Variants in LRBA observed in about 807,000 individuals in gnomAD.
LRBA encodes lipopolysaccharide-responsive and beige-like anchor protein.
Under a neutral mutation model 330.0 loss-of-function variants are expected in LRBA, and 176 were observed. The ratio of observed to expected loss-of-function variants is 0.53; its 90% CI spans 0.47 to 0.60. The LOEUF (loss-of-function observed/expected upper bound fraction) is 0.60. Among genes scored for constraint, LRBA ranks in the 20% least tolerant of loss-of-function variants. The probability of loss-of-function intolerance (pLI) is 0.00; values close to 1 mark genes in which losing one functional copy is unlikely to be tolerated. For missense variants in LRBA, 3,259 were observed against 3,444.8 expected, an observed-to-expected ratio of 0.95 and a Z score of 1.35; for synonymous variants, 1,230 against 1,193.0, an observed-to-expected ratio of 1.03 and a Z score of -0.64.
intron 22 of LRBA, among the ~76,000 whole-genome samples, chr4:150,861,308 TG>T (rs1751914926): frequency 6.6e-6 from 1 of 151,182 alleles, no homozygotes. Context: ...TGTGTGTGTG[TG>T]TAGATTGAGA....
At chr4:150,759,459 G>A (rs1439053366) in intron 35 of LRBA, among the ~76,000 whole-genome samples, 1 of 152,128 alleles carries the variant, frequency 6.6e-6, no homozygotes, top group Non-Finnish European at 1.5e-5. Flanking sequence ...CCTAGGCCTG[G>A]AATGCTTTTC....
intron 44 of LRBA, among the ~76,000 whole-genome samples, chr4:150,455,229 GTT>G (rs967023221): frequency 6.6e-6 from 1 of 150,948 alleles, no homozygotes; most frequent in East Asian, 2.0e-4. Flanking sequence ...GTGGTGTTTG[GTT>G]TTTTGTTCTT....
At chr4:150,450,343 A>G (rs867867346) in intron 44 of LRBA, among the ~76,000 whole-genome samples, 1 of 152,198 alleles carries the variant, frequency 6.6e-6, no homozygotes, top group Admixed American at 6.5e-5. Context: ...AGAGTTCTTG[A>G]GGCTAGAAAT....
chr4:150,271,226 T>A (rs1337635306), intron 56 of LRBA, among the ~76,000 whole-genome samples: 2 of 151,842 alleles, frequency 1.3e-5, no homozygotes, highest in Non-Finnish European at 2.9e-5. Flanking sequence ...ACCAGGAGAT[T>A]CCCTTGGGTG....
intron 46 of LRBA, chr4:150,423,452 G>T: frequency 1.7e-6 from 1 of 590,670 alleles, no homozygotes. Flanking sequence ...TGTTGCCAGC[G>T]GGCCCCATTT....
Position 150,491,030 on chromosome 4 carries a change from C to T in LRBA, c.6336G>A (p.Leu2112=). Residue 2112 remains leucine (L), a synonymous_variant, in exon 41 of 57, where the codon TTG becomes TTA. Coordinates refer to ENST00000651943, the MANE Select transcript of LRBA (RefSeq NM_001364905.1). The part of the protein sequence containing the change: ...PNFKKIDPKI[L]AYTEGLHGKW... ...TTCCATGCAGCCCTTCTGTATATGCCAAGATCTAATGAGGAAAAAAATAAT... is the reference window on the plus strand; with the variant it reads ...TTCCATGCAGCCCTTCTGTATATGCTAAGATCTAATGAGGAAAAAAATAAT... 1 of 1,543,428 alleles carries T rather than the reference C, an allele frequency of 6.5e-7. No homozygotes were observed. The highest frequency in any genetic ancestry group is 8.9e-7 in the Non-Finnish European group (1 of 1,125,418).
intron 40 of LRBA, among the ~76,000 whole-genome samples, chr4:150,559,629 AAT>A (rs1214510252): frequency 3.6e-3 from 293 of 81,434 alleles, no homozygotes; most frequent in African/African-American, 0.013. Context: ...ATTATTTTAT[AAT>A]ATATATTTAT....
At chr4:150,824,869 G>A (rs900218917) in intron 30 of LRBA, among the ~76,000 whole-genome samples, 1 of 151,982 alleles carries the variant, frequency 6.6e-6, no homozygotes, top group African/African-American at 2.4e-5. Flanking sequence ...CAAACTCCTG[G>A]GCTCCAGTGA....
chr4:150,833,586 T>C (rs991757995), intron 28 of LRBA, among the ~76,000 whole-genome samples: 4 of 152,176 alleles, frequency 2.6e-5, no homozygotes, highest in African/African-American at 9.7e-5. Flanking sequence ...AACAGCATTG[T>C]ATCTAAAAAA....
chr4:150,469,142 G>A (rs1755799842), intron 43 of LRBA, among the ~76,000 whole-genome samples: 2 of 151,818 alleles, frequency 1.3e-5, no homozygotes, highest in Non-Finnish European at 2.9e-5. Flanking sequence ...ATTTTTTATT[G>A]TACCTAAAAA....
At chr4:150,631,771 G>A (rs943830612) in intron 37 of LRBA, among the ~76,000 whole-genome samples, 3 of 152,144 alleles carry the variant, frequency 2.0e-5, no homozygotes, top group Non-Finnish European at 4.4e-5. Flanking sequence ...AGAAAACACC[G>A]GAAGGAGGAG....
intron 40 of LRBA, among the ~76,000 whole-genome samples, chr4:150,569,675 C>T (rs1362736837): frequency 1.3e-5 from 2 of 152,048 alleles, no homozygotes; most frequent in African/African-American, 4.8e-5. Context: ...TTTTATTTTC[C>T]AGTCGGTAAT....
intron 42 of LRBA, among the ~76,000 whole-genome samples, chr4:150,472,964 A>C (rs992140732): frequency 3.3e-5 from 5 of 152,110 alleles, no homozygotes; most frequent in African/African-American, 9.7e-5. Flanking sequence ...TCTTTATATG[A>C]AAATATGTTT....
At chr4:150,357,997 G>C (rs1017147806) in intron 47 of LRBA, among the ~76,000 whole-genome samples, 4 of 152,032 alleles carry the variant, frequency 2.6e-5, no homozygotes, top group African/African-American at 9.7e-5. Flanking sequence ...AAACAAACCA[G>C]ATGGCCTGGA....
At chr4:150,649,281 T>C (rs959828260) in intron 37 of LRBA, among the ~76,000 whole-genome samples, 1 of 152,200 alleles carries the variant, frequency 6.6e-6, no homozygotes, top group Admixed American at 6.5e-5. Context: ...ACCAAATATC[T>C]TGGCCCCAAT....
intron 37 of LRBA, among the ~76,000 whole-genome samples, chr4:150,650,407 T>C (rs574376963): frequency 6.6e-6 from 1 of 152,334 alleles, no homozygotes; most frequent in South Asian, 2.1e-4. Flanking sequence ...CTAATATCTC[T>C]AAGCAGACAT....
At chr4:150,973,148 C>CTGTG (rs1554011518) in intron 2 of LRBA, among the ~76,000 whole-genome samples, 5 of 149,464 alleles carry the variant, frequency 3.3e-5, no homozygotes, top group Non-Finnish European at 5.9e-5. Context: ...TTTTGTCTGT[C>CTGTG]TGTTTGTTTG....
intron 42 of LRBA, among the ~76,000 whole-genome samples, chr4:150,475,504 T>C (rs1298043051): frequency 1.3e-5 from 2 of 152,210 alleles, no homozygotes; most frequent in African/African-American, 4.8e-5. Flanking sequence ...TGAGCCAGTT[T>C]TGGCAATTCT....
intron 34 of LRBA, among the ~76,000 whole-genome samples, chr4:150,778,303 T>A (rs1455516321): frequency 6.6e-6 from 1 of 152,170 alleles, no homozygotes; most frequent in Non-Finnish European, 1.5e-5. Context: ...GTATAAATAT[T>A]ACAGGTCAGT....
Sources: gnomAD v4.1 joint callset for allele counts (sites outside exome capture counted in the v4.1 genomes callset) on GRCh38, gnomAD v4.1.1 for gene constraint, MANE v1.5 for transcripts, NCBI Gene and HGNC (gene_info 2026-07-23, HGNC 2026-07-21) for gene names.